Variants in BTAF1 observed in about 807,000 individuals in gnomAD.
BTAF1 encodes the protein B-TFIID TATA-box binding protein associated factor 1.
In BTAF1, 38 loss-of-function variants were observed where a neutral mutation model predicts 227.1. The ratio of observed to expected loss-of-function variants is 0.17; its 90% CI spans 0.13 to 0.22. The LOEUF (loss-of-function observed/expected upper bound fraction) is 0.22, where lower values mean the gene tolerates loss of function less well. BTAF1 is among the 10% of genes least tolerant of loss of function. The pLI, the probability that BTAF1 is intolerant of heterozygous loss-of-function variation, is 1.00. For missense variants in BTAF1, 1,598 were observed against 2,204.0 expected (o/e 0.73, Z 5.51); for synonymous variants, 742 against 751.9 (o/e 0.99, Z 0.21).
chr10:91,926,610 A>T (rs1482836922), intron 1 of BTAF1, among the ~76,000 whole-genome samples: 1 of 152,196 alleles, frequency 6.6e-6, no homozygotes, highest in African/African-American at 2.4e-5. Flanking sequence ...TGTCACTGTA[A>T]AGCTACATCC....
In BTAF1 at chr10:91,923,996, GCCGC is replaced by G; in HGVS notation, c.-80_-77del. The G allele has an allele frequency of 6.5e-7, 1 of 1,541,002 alleles. No homozygotes were observed. Among genetic ancestry groups the G allele is most frequent in the African/African-American group, 1.4e-5 (1 of 71,926 alleles). On this transcript the variant is annotated 5_prime_UTR_variant, in exon 1 of 38. It introduces an in-frame stop codon into an upstream open reading frame of the 5' UTR. Coordinates refer to ENST00000265990, the MANE Select transcript of BTAF1 (RefSeq NM_003972.3). ...CCTGTGCTCCGCGGCCTGGGCCTGC[GCCGC>G]TCAGCTCTCTGGAAACTAGCGCCTC...
In BTAF1 at chr10:92,000,465, G is replaced by T. The variant is rs182200648; in HGVS notation, c.3660+2714G>T. ...TTGAATATGGATTAGAATTGAAAGT[G>T]CGCCAAAATAGAGCTCACATCCACT... is the stretch of plus-strand genomic sequence containing the variant. On this transcript the variant is annotated intron_variant, in intron 25 of 37. Coordinates refer to ENST00000265990, the MANE Select transcript of BTAF1 (RefSeq NM_003972.3). Among the ~76,000 whole-genome samples, 35 of 152,336 alleles carry T rather than the reference G, an allele frequency of 2.3e-4. No individual in the cohort carries two copies. In the East Asian group the frequency reaches 6.7e-3, roughly 29 times the overall value.
chr10:91,989,641 C>G, intron 20 of BTAF1, 61 bp downstream of exon 20: 5 of 1,423,756 alleles, frequency 3.5e-6, no homozygotes, highest in Non-Finnish European at 3.8e-6. Flanking sequence ...TTTTTGTTTA[C>G]TTATGGGTAT....
At chr10:92,027,096 G>T (rs769529579) in intron 36 of BTAF1, 34 bp from the exon 37 acceptor site, 22 of 1,588,832 alleles carry the variant, frequency 1.4e-5, no homozygotes, top group Non-Finnish European at 1.9e-5. Context: ...AGCATAATAT[G>T]TGTTACGGTT....
At chr10:91,952,030 A>G (rs74951738) in intron 5 of BTAF1, among the ~76,000 whole-genome samples, 3,975 of 151,930 alleles carry the variant, frequency 0.026, 67 homozygotes, top group Middle Eastern at 0.058. Context: ...TTTTTTGCCA[A>G]CAGGACACAG....
At chr10:91,930,738 A>G (rs1260429594) in intron 1 of BTAF1, among the ~76,000 whole-genome samples, 1 of 152,236 alleles carries the variant, frequency 6.6e-6, no homozygotes, top group Non-Finnish European at 1.5e-5. Context: ...AATGGTCATT[A>G]TCTTTCCTTA....
chr10:91,957,138 C>T (rs911851513), intron 7 of BTAF1, 87 bp from the exon 8 acceptor site: 2 of 1,046,402 alleles, frequency 1.9e-6, no homozygotes, highest in Non-Finnish European at 2.9e-6. Flanking sequence ...TACTACTAGA[C>T]CTAGAAATAA....
chr10:91,935,533 C>G (rs1182400323), intron 1 of BTAF1, 124 bp from the exon 2 acceptor site: 2 of 1,003,072 alleles, frequency 2.0e-6, no homozygotes, highest in East Asian at 5.2e-5. Context: ...TAATGTCTTT[C>G]CGGGGCTCAT....
At chr10:91,955,065 CAT>C (rs1414770095) in intron 6 of BTAF1, among the ~76,000 whole-genome samples, 14 of 152,210 alleles carry the variant, frequency 9.2e-5, no homozygotes, top group African/African-American at 3.1e-4. Context: ...AAATAATAAA[CAT>C]ATACTTGGTA....
In BTAF1 at chr10:92,029,677, A is replaced by C. The variant is rs967360737; in HGVS notation, c.*744A>C. ...TAACATATGTACTCAATAGGTTTCAATCATATATATAATATATTTTTTGTA... is the reference window on the plus strand; with the variant it reads ...TAACATATGTACTCAATAGGTTTCACTCATATATATAATATATTTTTTGTA... On this transcript the variant is annotated 3_prime_UTR_variant, in exon 38 of 38. Coordinates refer to ENST00000265990, the MANE Select transcript of BTAF1 (RefSeq NM_003972.3). The C allele has an allele frequency of 6.6e-6, 1 of 151,764 alleles. No homozygotes were observed. The allele number at this position is 151,764 out of a possible 1,614,324, so 9.4% of individuals were successfully genotyped here.
intron 14 of BTAF1, among the ~76,000 whole-genome samples, chr10:91,978,211 T>C (rs2133968585): frequency 6.6e-6 from 1 of 152,308 alleles, no homozygotes; most frequent in East Asian, 1.9e-4. Context: ...AAGTAGAATT[T>C]AGTAGAGTAA....
chr10:91,973,553 A>G (rs565154687), intron 14 of BTAF1, among the ~76,000 whole-genome samples: 64 of 152,228 alleles, frequency 4.2e-4, no homozygotes, highest in African/African-American at 1.5e-3. Context: ...AGCAGTTTAC[A>G]TGAGGTGGCT....
At chr10:91,985,374 T>A (rs975560071) in intron 19 of BTAF1, among the ~76,000 whole-genome samples, 17 of 152,206 alleles carry the variant, frequency 1.1e-4, no homozygotes, top group Non-Finnish European at 2.9e-5. Flanking sequence ...ACAACTAGTT[T>A]AAGCCATTCT....
chr10:91,963,737 T>C (rs1262046739), intron 12 of BTAF1, among the ~76,000 whole-genome samples: 1 of 152,256 alleles, frequency 6.6e-6, no homozygotes, highest in African/African-American at 2.4e-5. Context: ...TAAAATTACA[T>C]AGAAGAACAT....
chr10:92,018,044 T>C (rs1850863011), intron 33 of BTAF1, among the ~76,000 whole-genome samples: 1 of 152,078 alleles, frequency 6.6e-6, no homozygotes, highest in African/African-American at 2.4e-5. Context: ...TGAATCAGAA[T>C]AATGTGTAGA....
intron 29 of BTAF1, 32 bp downstream of exon 29, chr10:92,011,182 A>G (rs950650735): frequency 3.9e-6 from 6 of 1,535,004 alleles, no homozygotes; most frequent in East Asian, 2.3e-5. Flanking sequence ...AGAAAAATTA[A>G]TATCAAATTT....
chr10:91,946,385 G>T (rs1424943867), intron 4 of BTAF1, among the ~76,000 whole-genome samples: 1 of 152,040 alleles, frequency 6.6e-6, no homozygotes, highest in Non-Finnish European at 1.5e-5. Flanking sequence ...GAAAAATACT[G>T]CTGTAAAAAT....
chr10:92,010,068 A>G (rs1269958881), intron 28 of BTAF1, among the ~76,000 whole-genome samples: 3 of 152,134 alleles, frequency 2.0e-5, no homozygotes, highest in Non-Finnish European at 4.4e-5. Context: ...AAAATTGTGT[A>G]TTATGTATAG....
chr10:92,008,960 G>A lies in BTAF1; in HGVS notation c.3935+10G>A, dbSNP rs779474335. 6.2e-7 allele frequency: 1 copy of A among 1,612,010 alleles called. No individual in the cohort carries two copies. Among genetic ancestry groups the A allele is most frequent in the Admixed American group, 1.7e-5 (1 of 59,572 alleles). On this transcript the variant is annotated intron_variant, in intron 27 of 37. Coordinates refer to ENST00000265990, the MANE Select transcript of BTAF1 (RefSeq NM_003972.3). ...GAGATCATTGTCATAGGTAATTTAAGATGTTATTTTAAAATAAGGTTTCCG... is the reference window on the plus strand; with the variant it reads ...GAGATCATTGTCATAGGTAATTTAAAATGTTATTTTAAAATAAGGTTTCCG...
Sources: allele counts gnomAD v4.1 joint callset (sites outside exome capture counted in the v4.1 genomes callset), GRCh38; gene constraint gnomAD v4.1.1; transcripts MANE v1.5; gene names NCBI Gene and HGNC (gene_info 2026-07-23, HGNC 2026-07-21).